The following ITIH6 variants were observed in gnomAD, a reference collection of about 807,000 sequenced individuals.
The protein encoded by ITIH6 is inter-alpha-trypsin inhibitor heavy chain family member 6, also known as inter-alpha-trypsin inhibitor heavy chain H6.
In ITIH6, 60 loss-of-function variants were observed where a neutral mutation model predicts 58.2. The observed-to-expected ratio is 1.03, with a 90% confidence interval of 0.84 to 1.28. ITIH6 has a LOEUF of 1.28. ITIH6 is among the 50% of genes most tolerant of loss of function. The pLI, the probability that ITIH6 is intolerant of heterozygous loss-of-function variation, is 0.00. For missense variants in ITIH6, 1,290 were observed against 1,021.1 expected, an observed-to-expected ratio of 1.26 and a Z score of -3.59; for synonymous variants, 493 against 417.4, an observed-to-expected ratio of 1.18 and a Z score of -2.21.
chrX:54,757,911 G>C lies in ITIH6; in HGVS notation c.2163C>G (p.Leu721=), dbSNP rs767680944. The C allele has an allele frequency of 5.0e-6, 6 of 1,209,790 alleles. No individual in the cohort carries two copies. The highest frequency in any genetic ancestry group is 4.6e-4 in the Middle Eastern group (2 of 4,373). Reference sequence around the variant, plus strand: ...GCACAAGAATGGTAGGTTTTGTCCTGAGAGTTGGCTGGGCCAAGGTGCCAG... The same window carrying C: ...GCACAAGAATGGTAGGTTTTGTCCTCAGAGTTGGCTGGGCCAAGGTGCCAG... ...QDSGTLAQPT[L]RTKPTILVPS... is the part of the protein sequence containing the mutation. The change falls in exon 8 of 13, where the codon CTC becomes CTG. Residue 721 remains leucine (L), a synonymous_variant. Transcript: ENST00000218436.
intron 6 of ITIH6, among the ~76,000 whole-genome samples, chrX:54,771,820 T>C (rs1315775089): frequency 3.6e-5 from 4 of 111,567 alleles, no homozygotes; most frequent in Non-Finnish European, 3.8e-5. Context: ...ATGGCTATTA[T>C]TAAATAGTTA....
At chrX:54,750,713 C>T (rs370438285) in intron 12 of ITIH6, among the ~76,000 whole-genome samples, 13 of 111,747 alleles carry the variant, frequency 1.2e-4, no homozygotes, top group African/African-American at 3.9e-4. Context: ...TCAGACTCAG[C>T]GTGGGTGTGT....
chrX:54,750,258 G>T, intron 12 of ITIH6, 152 bp from the exon 13 acceptor site: 1 of 472,674 alleles, frequency 2.1e-6, no homozygotes, highest in East Asian at 3.7e-5. Flanking sequence ...GGCATTGTGG[G>T]AACTGTACAG....
chrX:54,772,993 A>G (rs1315548976), intron 6 of ITIH6, among the ~76,000 whole-genome samples: 1 of 110,638 alleles, frequency 9.0e-6, no homozygotes, highest in Non-Finnish European at 1.9e-5. Flanking sequence ...CTGGTCTCAA[A>G]CTCCTGGGCT....
At chrX:54,785,894 T>C (rs1364053742) in intron 5 of ITIH6, among the ~76,000 whole-genome samples, 1 of 111,040 alleles carries the variant, frequency 9.0e-6, no homozygotes, top group East Asian at 2.8e-4. Flanking sequence ...CCCTTCTGGC[T>C]CCACACATGC....
chrX:54,775,295 C>T (rs1319838547), intron 5 of ITIH6, among the ~76,000 whole-genome samples: 1 of 111,589 alleles, frequency 9.0e-6, no homozygotes, highest in Non-Finnish European at 1.9e-5. Flanking sequence ...GATCCCATGC[C>T]CACCAGGGCC....
At position 54,755,113 on chromosome X, in the gene ITIH6, C is replaced by A; in HGVS notation, c.3110-4G>T. 8.4e-7 allele frequency: 1 copy of A among 1,195,109 alleles called. No individual in the cohort carries two copies. Among genetic ancestry groups the A allele is most frequent in the South Asian group, 1.8e-5 (1 of 56,050 alleles). ...TTGCCATCCCAGTTTGGACTTCCTGCCAAGCACAAAAGAAATAAGAAAACC... is the reference window on the plus strand; with the variant it reads ...TTGCCATCCCAGTTTGGACTTCCTGACAAGCACAAAAGAAATAAGAAAACC... On this transcript the variant is annotated splice_region_variant and splice_polypyrimidine_tract_variant and intron_variant, in intron 8 of 12. Coordinates refer to ENST00000218436, the MANE Select transcript of ITIH6 (RefSeq NM_198510.3).
chrX:54,766,768 A>G (rs1427586196), intron 6 of ITIH6, among the ~76,000 whole-genome samples: 2 of 101,078 alleles, frequency 2.0e-5, no homozygotes, highest in Non-Finnish European at 3.9e-5. Flanking sequence ...AAGCTTTTTG[A>G]TGTGCTGCTG....
chrX:54,784,643 TATC>T (rs1357979489), intron 5 of ITIH6, among the ~76,000 whole-genome samples: 1 of 111,810 alleles, frequency 8.9e-6, no homozygotes, highest in Non-Finnish European at 1.9e-5. Flanking sequence ...TACAATGAGA[TATC>T]ATCTCACCTC....
At chrX:54,770,453 G>C (rs1223264675) in intron 6 of ITIH6, among the ~76,000 whole-genome samples, 2 of 112,704 alleles carry the variant, frequency 1.8e-5, no homozygotes, top group Non-Finnish European at 3.8e-5. Flanking sequence ...GGCTTCTCTA[G>C]TTTTAACTGG....
At position 54,749,924 on chromosome X, in the gene ITIH6, C is replaced by G. The variant is rs1167280253; in HGVS notation, c.3913G>C (p.Gly1305Arg). The G allele has an allele frequency of 8.3e-7, 1 of 1,210,707 alleles. No individual in the cohort carries two copies. ...AGGACATAGGAGAGGTAGGGGTGGC[C>G]CAGAAGCAGCTCTACATGAGAGCGC... ...VKRSHVELLLGHPYLSYVL is the reference protein window; with the variant it reads ...VKRSHVELLLRHPYLSYVL The change falls in exon 13 of 13, where the codon GGC becomes CGC. Residue 1305 changes from glycine (G) to arginine (R), a missense_variant. By Grantham distance (125) the Gly-to-Arg change is moderately radical (BLOSUM62 -2). Coordinates refer to ENST00000218436, the MANE Select transcript of ITIH6 (RefSeq NM_198510.3).
chrX:54,782,503 A>C (rs1427542638), intron 5 of ITIH6, among the ~76,000 whole-genome samples: 1 of 111,775 alleles, frequency 8.9e-6, no homozygotes, highest in Non-Finnish European at 1.9e-5. Context: ...TCTGTAAAAC[A>C]AACCCCCATG....
chrX:54,765,731 G>T (rs1260872494), intron 6 of ITIH6, among the ~76,000 whole-genome samples: 6 of 109,279 alleles, frequency 5.5e-5, no homozygotes, highest in African/African-American at 2.0e-4. Context: ...TGAGGGCTCT[G>T]TTCTGTTCCA....
chrX:54,788,562 G>T lies in ITIH6; in HGVS notation c.704C>A (p.Ser235Ter). ...CATGATGCCTGACCCAGAGATGGAC[G>T]ACTGGTCTTGCAATGTCGGGCAGTA... ...ITYCPTLQDQ[S>*]SISGSGIMAD... Residue 235 changes from serine (S) to a stop codon, truncating the protein, a stop_gained, in exon 5 of 13, where the codon TCG (serine) becomes TAG (stop). Transcript: ENST00000218436. LOFTEE classifies it high-confidence loss of function. 1 of 1,209,207 alleles carries T rather than the reference G, an allele frequency of 8.3e-7. No individual in the cohort carries two copies. Among genetic ancestry groups the T allele is most frequent in the Non-Finnish European group, 1.1e-6 (1 of 893,630 alleles).
rs762153848 is a variant in ITIH6, at chrX:54,754,596, C to T, written c.3202+421G>A. On this transcript the variant is annotated intron_variant, in intron 9 of 12. Transcript: ENST00000218436. Reference sequence around the variant, plus strand: ...GAGGGGGACCACATGGCAAGGAATGCAGGAGATTTCTAGGTACTGAGAGTG... The same window carrying T: ...GAGGGGGACCACATGGCAAGGAATGTAGGAGATTTCTAGGTACTGAGAGTG... Among the ~76,000 whole-genome samples the T allele has an allele frequency of 5.4e-5, 6 of 111,653 alleles. No homozygotes were observed. The South Asian group carries it at 2.3e-3, about 43-fold the overall frequency.
Position 54,758,579 on chromosome X carries a change from CAAAGTAGTTGGGGA to C in ITIH6, c.1481_1494del (p.Phe494TrpfsTer4). ...CCTGCCACCACCAGCTCAGAGCCAC[CAAAGTAGTTGGGGA>C]AAACGGCCCAAGGGGAGGCCCCAAC... On this transcript the variant is annotated frameshift_variant, in exon 8 of 13. Transcript: ENST00000218436. LOFTEE classifies it high-confidence loss of function. 8.3e-7 allele frequency: 1 copy of C among 1,210,807 alleles called. No homozygotes were observed. Among genetic ancestry groups the C allele is most frequent in the Non-Finnish European group, 1.1e-6 (1 of 895,043 alleles).
chrX:54,765,375 A>G (rs1346000660), intron 6 of ITIH6, among the ~76,000 whole-genome samples: 6 of 74,965 alleles, frequency 8.0e-5, no homozygotes, highest in African/African-American at 3.1e-4. Context: ...GTTTTCTTCT[A>G]GGGTTTTTAT....
intron 2 of ITIH6, among the ~76,000 whole-genome samples, chrX:54,794,345 G>A (rs1929403548): frequency 9.0e-6 from 1 of 110,954 alleles, no homozygotes; most frequent in East Asian, 2.8e-4. Flanking sequence ...AAATCTGTTG[G>A]TGTTTTTTTC....
Position 54,751,398 on chromosome X carries a change from T to G in ITIH6, c.3353-18A>C. 8.3e-7 allele frequency: 1 copy of G among 1,204,778 alleles called. No individual in the cohort carries two copies. The highest frequency in any genetic ancestry group is 1.1e-6 in the Non-Finnish European group (1 of 891,429). On this transcript the variant is annotated intron_variant, in intron 11 of 12. Transcript: ENST00000218436. ...ATGCAGCCCTGGAGGGAGGGGAGTGTGGGCCTGGAGCGGGGGCTTTTGCAT... is the reference window on the plus strand; with the variant it reads ...ATGCAGCCCTGGAGGGAGGGGAGTGGGGGCCTGGAGCGGGGGCTTTTGCAT...
Sources: gnomAD v4.1 joint callset for allele counts (sites outside exome capture counted in the v4.1 genomes callset) on GRCh38, gnomAD v4.1.1 for gene constraint, MANE v1.5 for transcripts, NCBI Gene and HGNC (gene_info 2026-07-23, HGNC 2026-07-21) for gene names.